The following PACRG variants were observed in gnomAD, a reference collection of about 807,000 sequenced individuals.
PACRG encodes the protein parkin coregulated gene protein.
In PACRG, 29 loss-of-function variants were observed where a neutral mutation model predicts 29.7. The observed-to-expected ratio is 0.98, with a 90% CI of 0.73 to 1.33. PACRG has a LOEUF of 1.33. Among genes scored for constraint, PACRG ranks in the 40% most tolerant of loss-of-function variants. The pLI is 0.00. For synonymous variants in PACRG, 116 were observed against 118.7 expected, an observed-to-expected ratio of 0.98 and a Z score of 0.15; for missense variants, 279 against 316.2, an observed-to-expected ratio of 0.88 and a Z score of 0.89.
rs200484432 is a variant in PACRG, at chr6:163,123,250, G to A, written c.613+33842G>A. 3.4e-4 allele frequency among the ~76,000 whole-genome samples: 52 copies of A among 152,336 alleles called. No homozygotes were observed. The East Asian group carries it at 7.4e-3, about 22-fold the overall frequency. The stretch of plus-strand genomic sequence containing the variant: ...CACCCTAGCCTTTTAATATGCAAAT[G>A]CGGGTCGGCATGATGTCCTGCACAC... On this transcript the variant is annotated intron_variant, in intron 4 of 4. Coordinates refer to ENST00000366888, the MANE Select transcript of PACRG (RefSeq NM_001080379.2).
chr6:163,268,379 G>T (rs1249030395), intron 4 of PACRG, among the ~76,000 whole-genome samples: 2 of 149,684 alleles, frequency 1.3e-5, no homozygotes, highest in African/African-American at 4.9e-5. Flanking sequence ...TCCAGCCTGG[G>T]TGACTAAGTG....
intron 1 of PACRG, among the ~76,000 whole-genome samples, chr6:162,779,280 G>A (rs1267047798): frequency 3.3e-5 from 5 of 151,990 alleles, no homozygotes; most frequent in Non-Finnish European, 7.4e-5. Flanking sequence ...CCAGTCTGTC[G>A]TCAACGAGCA....
At chr6:163,288,776 G>C (rs764500780) in intron 4 of PACRG, among the ~76,000 whole-genome samples, 2 of 152,162 alleles carry the variant, frequency 1.3e-5, no homozygotes, top group African/African-American at 2.4e-5. Flanking sequence ...AATATACAGG[G>C]ACCATAAATT....
rs557294574 is a variant in PACRG, at chr6:163,044,329, G to A, written c.292-17821G>A. ...ACCACAGGTGCATATCACCAGGCCC[G>A]TCTGATTTTTAAATTTTTTTGTAGA... On this transcript the variant is annotated intron_variant, in intron 2 of 4. Transcript: ENST00000366888. Among the ~76,000 whole-genome samples the A allele has an allele frequency of 2.6e-4, 40 of 152,150 alleles. 1 individual carries two copies. In the East Asian group the frequency reaches 6.6e-3, roughly 25 times the overall value.
intron 4 of PACRG, among the ~76,000 whole-genome samples, chr6:163,267,898 A>C (rs1323681159): frequency 2.6e-5 from 4 of 152,226 alleles, no homozygotes; most frequent in Non-Finnish European, 4.4e-5. Flanking sequence ...TGAGAAATAA[A>C]ACAAAGTAAC....
rs139834787 is a variant in PACRG at position 162,875,857 on chromosome 6, C to T, written c.291+61576C>T. Among the ~76,000 whole-genome samples the T allele has an allele frequency of 3.8e-3, 578 of 152,338 alleles. 1 individual carries two copies. Among genetic ancestry groups the T allele is most frequent in the Admixed American group, 7.6e-3 (117 of 15,310 alleles). ...TTCCTCCAGTATGATCTTCTAAATG[C>T]TTACTGACCATTCAGTCTTGGAAAT... On this transcript the variant is annotated intron_variant, in intron 2 of 4. Coordinates refer to ENST00000366888, the MANE Select transcript of PACRG (RefSeq NM_001080379.2).
intron 4 of PACRG, among the ~76,000 whole-genome samples, chr6:163,219,175 C>T (rs1195813560): frequency 1.3e-5 from 2 of 152,214 alleles, no homozygotes; most frequent in East Asian, 3.9e-4. Context: ...TTAGAATTAA[C>T]CTCTGACACA....
chr6:162,930,526 A>T (rs1021583867), intron 2 of PACRG, among the ~76,000 whole-genome samples: 1 of 151,754 alleles, frequency 6.6e-6, no homozygotes, highest in Non-Finnish European at 1.5e-5. Flanking sequence ...ATATAATATG[A>T]TATCTTTGAA....
intron 4 of PACRG, among the ~76,000 whole-genome samples, chr6:163,304,015 C>CAAAAAAAAAAAAAAAAAAA (rs59861286): frequency 1.3e-5 from 1 of 76,250 alleles, no homozygotes; most frequent in African/African-American, 5.4e-5. Flanking sequence ...GACTCCATTT[C>CAAAAAAAAAAAAAAAAAAA]AAAAAAAAAA....
intron 1 of PACRG, among the ~76,000 whole-genome samples, chr6:162,773,068 T>G (rs1257375076): frequency 6.6e-6 from 1 of 150,642 alleles, no homozygotes; most frequent in Non-Finnish European, 1.5e-5. Context: ...CAGGGAACAG[T>G]GTGGCTGGTA....
intron 4 of PACRG, among the ~76,000 whole-genome samples, chr6:163,272,043 C>CTTT (rs11381981): frequency 9.8e-5 from 14 of 143,022 alleles, no homozygotes; most frequent in East Asian, 4.1e-4. Context: ...TTTCCTTTTT[C>CTTT]TTTTTTTTTT....
chr6:163,221,405 C>T (rs1781576101), intron 4 of PACRG, among the ~76,000 whole-genome samples: 1 of 152,196 alleles, frequency 6.6e-6, no homozygotes, highest in Non-Finnish European at 1.5e-5. Flanking sequence ...ACTTTGTACA[C>T]GTGCCTTTGT....
chr6:163,242,721 C>A (rs146469657), intron 4 of PACRG, among the ~76,000 whole-genome samples: 156 of 152,312 alleles, frequency 1.0e-3, no homozygotes, highest in Non-Finnish European at 1.8e-3. Flanking sequence ...TAAGCCACAG[C>A]ACCTTTAGAA....
chr6:162,932,911 GC>G (rs1471988787), intron 2 of PACRG, among the ~76,000 whole-genome samples: 1 of 151,360 alleles, frequency 6.6e-6, no homozygotes, highest in African/African-American at 2.4e-5. Flanking sequence ...TTTGGGTTTA[GC>G]TTTTTTTTTC....
intron 2 of PACRG, among the ~76,000 whole-genome samples, chr6:163,044,358 G>C (rs1809093253): frequency 1.3e-5 from 2 of 152,010 alleles, no homozygotes; most frequent in African/African-American, 4.8e-5. Context: ...TTGTAGAGAA[G>C]GGTTCTCCCT....
intron 4 of PACRG, among the ~76,000 whole-genome samples, chr6:163,239,927 A>T (rs528194256): frequency 9.5e-6 from 1 of 105,574 alleles, no homozygotes; most frequent in East Asian, 3.1e-4. Context: ...TCCATCCATA[A>T]CACACTCACA....
At chr6:163,121,567 A>C (rs912976010) in intron 4 of PACRG, among the ~76,000 whole-genome samples, 5 of 152,016 alleles carry the variant, frequency 3.3e-5, no homozygotes, top group African/African-American at 1.2e-4. Flanking sequence ...TGTGAATTTC[A>C]CATCACTTCT....
At chr6:163,262,870 C>A (rs918462754) in intron 4 of PACRG, among the ~76,000 whole-genome samples, 46 of 148,152 alleles carry the variant, frequency 3.1e-4, no homozygotes, top group Admixed American at 2.4e-3. Flanking sequence ...AGTGAGACCC[C>A]CCCCCCCATG....
At chr6:162,727,802 T>G (rs1779383736), upstream of PACRG, 1 of 947,448 alleles carries the variant, frequency 1.1e-6, no homozygotes. Context: ...GCCCTAGGAA[T>G]GCGCACGCGC....
Sources: allele counts gnomAD v4.1 joint callset (sites outside exome capture counted in the v4.1 genomes callset), GRCh38; gene constraint gnomAD v4.1.1; transcripts MANE v1.5; gene names NCBI Gene and HGNC (gene_info 2026-07-23, HGNC 2026-07-21).